Variants in MAGI2 observed in about 807,000 individuals in gnomAD.
MAGI2 encodes membrane-associated guanylate kinase, WW and PDZ domain-containing protein 2.
A neutral mutation model predicts 133.3 loss-of-function variants in MAGI2; 35 were observed. That is an observed-to-expected ratio of 0.26 (90% CI 0.20 to 0.35). The LOEUF (loss-of-function observed/expected upper bound fraction) is 0.35, where lower values mean the gene tolerates loss of function less well. Ranked by LOEUF, MAGI2 falls within the 10% of genes least tolerant of loss-of-function variation. The probability of loss-of-function intolerance (pLI) is 1.00; values close to 1 mark genes in which losing one functional copy is unlikely to be tolerated. For synonymous variants in MAGI2, 729 were observed against 710.6 expected (o/e 1.03, Z -0.41); for missense variants, 1,636 against 1,863.4 (o/e 0.88, Z 2.25).
intron 18 of MAGI2, 41 bp downstream of exon 18, chr7:78,132,848 C>A (rs1329430048): frequency 6.2e-7 from 1 of 1,613,970 alleles, no homozygotes. Flanking sequence ...TTTCCCCACC[C>A]TATCACCTCT....
chr7:78,548,249 T>C (rs1245886688), intron 3 of MAGI2, among the ~76,000 whole-genome samples: 1 of 152,272 alleles, frequency 6.6e-6, no homozygotes, highest in Non-Finnish European at 1.5e-5. Flanking sequence ...CATTTCTGGA[T>C]AGCTCTTCAT....
At chr7:79,440,880 C>T (rs1848452682) in intron 1 of MAGI2, among the ~76,000 whole-genome samples, 1 of 152,200 alleles carries the variant, frequency 6.6e-6, no homozygotes, top group Admixed American at 6.5e-5. Context: ...CATCCTCCAC[C>T]TTTCGGCTAG....
chr7:78,078,788 ATG>A (rs67657112), intron 21 of MAGI2, 157 bp downstream of exon 21: 158,073 of 570,592 alleles, frequency 0.28, 9,577 homozygotes, highest in East Asian at 0.49. Context: ...GTGTGTGTGT[ATG>A]TGTGTGTGTG....
At chr7:78,811,083 A>G (rs1319186259) in intron 2 of MAGI2, among the ~76,000 whole-genome samples, 1 of 151,972 alleles carries the variant, frequency 6.6e-6, no homozygotes, top group African/African-American at 2.4e-5. Context: ...ATTCCATAGC[A>G]TTTAGAGTCT....
intron 2 of MAGI2, among the ~76,000 whole-genome samples, chr7:78,888,544 G>T (rs148178157): frequency 6.6e-6 from 1 of 152,118 alleles, no homozygotes; most frequent in Non-Finnish European, 1.5e-5. Context: ...CCAGAGGAAC[G>T]ATCAGACAGC....
At chr7:78,674,014 A>T (rs1414470233) in intron 2 of MAGI2, among the ~76,000 whole-genome samples, 1 of 152,192 alleles carries the variant, frequency 6.6e-6, no homozygotes, top group Non-Finnish European at 1.5e-5. Flanking sequence ...CAGTCTATGG[A>T]AGACACTAAC....
chr7:78,637,222 G>A (rs1482273444), intron 2 of MAGI2, among the ~76,000 whole-genome samples: 2 of 152,166 alleles, frequency 1.3e-5, no homozygotes, highest in South Asian at 2.1e-4. Flanking sequence ...AGAGTCATGA[G>A]GAGTATTTTT....
intron 5 of MAGI2, among the ~76,000 whole-genome samples, chr7:78,500,565 G>T (rs1039169948): frequency 6.6e-6 from 1 of 152,112 alleles, no homozygotes; most frequent in African/African-American, 2.4e-5. Context: ...GAAAAGAAAA[G>T]CCTGACATTA....
At chr7:78,387,150 C>T (rs750687052) in intron 6 of MAGI2, among the ~76,000 whole-genome samples, 18 of 152,254 alleles carry the variant, frequency 1.2e-4, no homozygotes, top group Non-Finnish European at 2.2e-4. Context: ...TTTAAGCAGA[C>T]ATTTATTTTA....
At chr7:78,161,886 A>T (rs1272949328) in intron 15 of MAGI2, among the ~76,000 whole-genome samples, 1 of 152,124 alleles carries the variant, frequency 6.6e-6, no homozygotes, top group African/African-American at 2.4e-5. Context: ...TTTTGTAAGA[A>T]ATGTACCGAG....
chr7:79,369,532 C>G (rs2129132048), intron 1 of MAGI2, among the ~76,000 whole-genome samples: 1 of 152,310 alleles, frequency 6.6e-6, no homozygotes, highest in Admixed American at 6.5e-5. Flanking sequence ...TCCCATGATG[C>G]TACCAGGAGA....
chr7:79,244,132 C>A (rs569972799), intron 1 of MAGI2, among the ~76,000 whole-genome samples: 1 of 152,242 alleles, frequency 6.6e-6, no homozygotes, highest in Non-Finnish European at 1.5e-5. Context: ...TCTTTGTAAA[C>A]CTAGAAAATG....
At position 79,453,639 on chromosome 7, in the gene MAGI2, G is replaced by T. The variant is rs1340409549; in HGVS notation, c.-319C>A. ...CGGCGGCGGCGGCGGCAGCCGGAGC[G>T]AGCAGTAGCCGAGCTGGTGAGCGGG... On this transcript the variant is annotated 5_prime_UTR_variant, in exon 1 of 22. Coordinates refer to ENST00000354212, the MANE Select transcript of MAGI2 (RefSeq NM_012301.4). 1.3e-6 allele frequency: 1 copy of T among 765,570 alleles called. No homozygotes were observed. Among genetic ancestry groups the T allele is most frequent in the East Asian group, 8.0e-5 (1 of 12,540 alleles). The allele number at this position is 765,570 out of a possible 1,614,324, so 47.4% of individuals were successfully genotyped here. A position where few individuals can be genotyped will look rare whatever the true frequency, so the allele number is the denominator to read the frequency against.
chr7:78,986,210 G>T (rs919600051), intron 2 of MAGI2, among the ~76,000 whole-genome samples: 3 of 152,058 alleles, frequency 2.0e-5, no homozygotes, highest in Non-Finnish European at 4.4e-5. Flanking sequence ...TTTCCATGAA[G>T]AATGTAAATA....
At chr7:78,333,839 G>A (rs749555315) in intron 9 of MAGI2, among the ~76,000 whole-genome samples, 6 of 152,192 alleles carry the variant, frequency 3.9e-5, no homozygotes, top group Non-Finnish European at 5.9e-5. Flanking sequence ...AGGAGACAGC[G>A]ACCTGCCTGA....
At chr7:78,558,531 A>G (rs1423039526) in intron 3 of MAGI2, among the ~76,000 whole-genome samples, 1 of 152,232 alleles carries the variant, frequency 6.6e-6, no homozygotes, top group Non-Finnish European at 1.5e-5. Context: ...GAGGCAGTGA[A>G]AATGGTTACT....
intron 2 of MAGI2, among the ~76,000 whole-genome samples, chr7:78,736,800 G>A (rs115938181): frequency 0.015 from 2,301 of 152,192 alleles, 71 homozygotes; most frequent in African/African-American, 0.053. Flanking sequence ...GAGTGTCGAA[G>A]TCTTTTAAGA....
chr7:78,999,873 T>C (rs993517740), intron 2 of MAGI2, among the ~76,000 whole-genome samples: 1 of 152,194 alleles, frequency 6.6e-6, no homozygotes, highest in Admixed American at 6.5e-5. Context: ...ATATAATTAG[T>C]CTATAAATAT....
At chr7:79,039,376 C>T (rs1429962079) in intron 1 of MAGI2, among the ~76,000 whole-genome samples, 1 of 152,066 alleles carries the variant, frequency 6.6e-6, no homozygotes, top group Non-Finnish European at 1.5e-5. Flanking sequence ...CGTTTCTTCA[C>T]AGCAGCATGA....
Sources: gnomAD v4.1 joint callset for allele counts (sites outside exome capture counted in the v4.1 genomes callset) on GRCh38, gnomAD v4.1.1 for gene constraint, MANE v1.5 for transcripts, NCBI Gene and HGNC (gene_info 2026-07-23, HGNC 2026-07-21) for gene names.